ZNF444: variants seen among roughly 807,000 people sequenced by gnomAD.
ZNF444 encodes zinc finger protein 444, also known as endothelial zinc finger protein 2.
Under a neutral mutation model 14.4 loss-of-function variants are expected in ZNF444, and 8 were observed. The ratio of observed to expected loss-of-function variants is 0.56; its 90% CI spans 0.33 to 1.00. The LOEUF (loss-of-function observed/expected upper bound fraction) is 1.00. ZNF444 is among the 50% of genes least tolerant of loss of function. The probability of loss-of-function intolerance (pLI) is 0.03; values close to 1 mark genes in which losing one functional copy is unlikely to be tolerated. For missense variants in ZNF444, 510 were observed against 504.8 expected (o/e 1.01, Z -0.10); for synonymous variants, 258 against 235.9 (o/e 1.09, Z -0.86).
At chr19:56,135,212 C>T (rs1482666970) in intron 1 of ZNF444, among the ~76,000 whole-genome samples, 1 of 152,090 alleles carries the variant, frequency 6.6e-6, no homozygotes, top group Non-Finnish European at 1.5e-5. Context: ...GCCTGGGTGA[C>T]AGGGCGAGAC....
intron 4 of ZNF444, among the ~76,000 whole-genome samples, chr19:56,158,928 C>A (rs1413305572): frequency 1.3e-5 from 2 of 151,836 alleles, no homozygotes; most frequent in South Asian, 4.2e-4. Context: ...CACATGTTCC[C>A]CCTCACACCA....
At chr19:56,132,703 G>A (rs556641975) in exon 1 of ZNF444, 5 of 152,186 alleles carry the variant, frequency 3.3e-5, no homozygotes, top group South Asian at 2.1e-4. Flanking sequence ...GAGAAGCCGC[G>A]TTCATTCCTG....
chr19:56,144,234 A>G lies in ZNF444; in HGVS notation c.-196-2013A>G, dbSNP rs2123473470. The stretch of plus-strand genomic sequence containing the variant: ...TGAGCCAGGAGGATGGTTTGAGCCC[A>G]GGAGGTCGGGGCTGCAATGAGCCGA... On this transcript the variant is annotated intron_variant, in intron 1 of 4. Coordinates refer to ENST00000337080, the MANE Select transcript of ZNF444 (RefSeq NM_018337.4). This position sits in a 1 kb window ranked among gnomAD's most constrained non-coding sequence, Gnocchi z 4.0. 6.6e-6 allele frequency among the ~76,000 whole-genome samples: 1 copy of G among 152,232 alleles called. No individual in the cohort carries two copies. Among genetic ancestry groups the G allele is most frequent in the African/African-American group, 2.4e-5 (1 of 41,538 alleles).
intron 1 of ZNF444, among the ~76,000 whole-genome samples, chr19:56,143,044 T>C (rs550285706): frequency 1.5e-3 from 221 of 152,312 alleles, no homozygotes; most frequent in Non-Finnish European, 2.4e-3. Flanking sequence ...CTTCAAGGCA[T>C]CCAGGGTGCC....
chr19:56,153,134 C>T (rs192366261), intron 3 of ZNF444, among the ~76,000 whole-genome samples: 2 of 152,222 alleles, frequency 1.3e-5, no homozygotes, highest in African/African-American at 2.4e-5. Context: ...CAGGAGGGGG[C>T]AGGCTCTTCC....
chr19:56,153,118 G>A (rs997419466), intron 3 of ZNF444, among the ~76,000 whole-genome samples: 3 of 152,260 alleles, frequency 2.0e-5, no homozygotes, highest in East Asian at 1.9e-4. Context: ...GAGAGAGCCC[G>A]TCATCCAGGA....
intron 1 of ZNF444, among the ~76,000 whole-genome samples, chr19:56,133,095 GC>G (rs2030525191): frequency 6.6e-6 from 1 of 151,702 alleles, no homozygotes; most frequent in African/African-American, 2.4e-5. Flanking sequence ...GGGCCACCAT[GC>G]CCGGCTTATT....
rs1319135899 is a variant in ZNF444 at position 56,147,787 on chromosome 19, C to T, written c.297+579C>T. Among the ~76,000 whole-genome samples the T allele has an allele frequency of 6.6e-6, 1 of 152,118 alleles. No homozygotes were observed. Among genetic ancestry groups the T allele is most frequent in the African/African-American group, 2.4e-5 (1 of 41,428 alleles). ...CAGACCCTCCTTATCATGCGTGAGG[C>T]TCCAAGGGCTCAGAGATGACTTCCC... On this transcript the variant is annotated intron_variant, in intron 3 of 4. Coordinates refer to ENST00000337080, the MANE Select transcript of ZNF444 (RefSeq NM_018337.4). This position sits in a 1 kb window ranked among gnomAD's most constrained non-coding sequence, Gnocchi z 5.9.
intron 1 of ZNF444, among the ~76,000 whole-genome samples, chr19:56,135,907 C>T (rs1229629998): frequency 1.3e-5 from 2 of 151,264 alleles, no homozygotes; most frequent in Admixed American, 6.6e-5. Flanking sequence ...GGTGAAACCC[C>T]GTCTCTACTA....
At chr19:56,156,504 T>G (rs2031913693) in intron 3 of ZNF444, 1 of 152,210 alleles carries the variant, frequency 6.6e-6, no homozygotes, top group Non-Finnish European at 1.5e-5. Context: ...GGGGGTGTTA[T>G]GGCCCACAAT....
In ZNF444 at chr19:56,160,146, C is replaced by G; in HGVS notation, c.929C>G (p.Ala310Gly). ...HGRAAASAQG[A>G]VAPGPDGGGP... ...CGGGCAGCGGCCAGCGCGCAGGGGG[C>G]GGTAGCTCCGGGCCCGGATGGTGGA... Residue 310 changes from alanine to glycine, a missense_variant, in exon 5 of 5, where the codon GCG becomes GGG. By Grantham distance (60) the Ala-to-Gly change is moderately conservative. Coordinates refer to ENST00000337080, the MANE Select transcript of ZNF444 (RefSeq NM_018337.4). 1 of 1,482,502 alleles carries G rather than the reference C, an allele frequency of 6.7e-7. No individual in the cohort carries two copies. 91.8% of individuals were successfully genotyped at this position (1,482,502 alleles called of 1,614,324 possible). A position where few individuals can be genotyped will look rare whatever the true frequency, so the allele number is the denominator to read the frequency against.
At position 56,158,599 on chromosome 19, in the gene ZNF444, T is replaced by G; in HGVS notation, c.403T>G (p.Leu135Val). Residue 135 changes from leucine (L) to valine (V), a missense_variant, in exon 4 of 5, where the codon TTA (leucine) becomes GTA (valine). By Grantham distance (32) the Leu-to-Val change is conservative. Transcript: ENST00000337080. Reference protein sequence around the residue: ...GGKEDSGMIPLAGTAPGAEGP... With the variant: ...GGKEDSGMIPVAGTAPGAEGP... ...AAAGGAGGACAGTGGGATGATTCCCTTAGGTGAGCTGCTGGCCTCTCTGGT... is the reference window on the plus strand; with the variant it reads ...AAAGGAGGACAGTGGGATGATTCCCGTAGGTGAGCTGCTGGCCTCTCTGGT... 1 of 1,606,948 alleles carries G rather than the reference T, an allele frequency of 6.2e-7. No homozygotes were observed. Among genetic ancestry groups the G allele is most frequent in the Non-Finnish European group, 8.5e-7 (1 of 1,176,656 alleles).
Position 56,160,360 on chromosome 19 carries a change from C to G in ZNF444, c.*159C>G, listed in dbSNP as rs1438601330. 1.8e-6 allele frequency: 1 copy of G among 558,798 alleles called. No individual in the cohort carries two copies. Among genetic ancestry groups the G allele is most frequent in the Non-Finnish European group, 3.0e-6 (1 of 338,348 alleles). The allele number at this position is 558,798 out of a possible 1,614,324, so 34.6% of individuals were successfully genotyped here. ...TGAACTTCCCAACGCCTTCCTATTC[C>G]TTTCCAACTCCTTTTCCCCCAAATT... On this transcript the variant is annotated 3_prime_UTR_variant, in exon 5 of 5. Transcript: ENST00000337080.
Position 56,146,983 on chromosome 19 carries a change from C to A in ZNF444, c.72C>A (p.Arg24=), listed in dbSNP as rs779517185. ...TGGACTCCCCGTGGCACCGCTTCCG[C>A]CGCTTCCACCTGGGCGACGCGCCGG... The part of the protein sequence containing the change: ...LALDSPWHRF[R]RFHLGDAPGP... The change falls in exon 3 of 5, where the codon CGC becomes CGA. Residue 24 remains arginine (R), a synonymous_variant. Transcript: ENST00000337080. 2 of 1,438,986 alleles carry A rather than the reference C, an allele frequency of 1.4e-6. No individual in the cohort carries two copies. Among genetic ancestry groups the A allele is most frequent in the East Asian group, 5.6e-5 (2 of 35,466 alleles). 89.1% of individuals were successfully genotyped at this position (1,438,986 alleles called of 1,614,324 possible).
chr19:56,146,813 C>T (rs145391923), intron 2 of ZNF444, 77 bp from the exon 3 acceptor site: 9 of 1,092,244 alleles, frequency 8.2e-6, no homozygotes, highest in East Asian at 3.3e-5. Flanking sequence ...AAAAAAAGAG[C>T]GTTGGTCCCA....
intron 3 of ZNF444, chr19:56,155,471 T>C: frequency 6.6e-6 from 1 of 152,226 alleles, no homozygotes; most frequent in Non-Finnish European, 1.5e-5. Context: ...CCCACCCGGG[T>C]GGCCCAGGGC....
upstream of ZNF444, chr19:56,141,205 T>C (rs2030769981): frequency 7.0e-6 from 1 of 143,196 alleles, no homozygotes; most frequent in South Asian, 2.3e-4. Flanking sequence ...CATGGGGAGT[T>C]GTTGGGCTGA....
Position 56,147,694 on chromosome 19 carries a change from AC to A in ZNF444, c.297+491del, listed in dbSNP as rs1568553794. On this transcript the variant is annotated intron_variant, in intron 3 of 4. Transcript: ENST00000337080. The surrounding 1 kb of genome is among the most constrained non-coding windows in gnomAD (Gnocchi z 5.9). Reference sequence around the variant, plus strand: ...CTCCCGCCCCCTGAAAGTCAAGGATACCCCCTGGTCCAAACTCTACCCCAAA... The same window carrying A: ...CTCCCGCCCCCTGAAAGTCAAGGATACCCCTGGTCCAAACTCTACCCCAAA... 3.3e-5 allele frequency among the ~76,000 whole-genome samples: 5 copies of A among 151,832 alleles called. No individual in the cohort carries two copies. Among genetic ancestry groups the A allele is most frequent in the Non-Finnish European group, 4.4e-5 (3 of 67,948 alleles).
intron 3 of ZNF444, among the ~76,000 whole-genome samples, chr19:56,153,258 G>A (rs902458943): frequency 2.0e-5 from 3 of 152,140 alleles, no homozygotes; most frequent in African/African-American, 4.8e-5. Flanking sequence ...TCTTGGCTAC[G>A]TTGGCCTTGT....
Sources: gnomAD v4.1 joint callset for allele counts (sites outside exome capture counted in the v4.1 genomes callset) on GRCh38, gnomAD v4.1.1 for gene constraint, Gnocchi (gnomAD v3.1) non-coding constraint, MANE v1.5 for transcripts, NCBI Gene and HGNC (gene_info 2026-07-23, HGNC 2026-07-21) for gene names.